ITCH: variants seen among roughly 807,000 people sequenced by gnomAD.
ITCH encodes itchy E3 ubiquitin protein ligase, also known as E3 ubiquitin-protein ligase Itchy homolog.
Under a neutral mutation model 126.8 loss-of-function variants are expected in ITCH, and 28 were observed. The ratio of observed to expected loss-of-function variants is 0.22; its 90% confidence interval spans 0.16 to 0.30. The LOEUF is 0.30. Among genes scored for constraint, ITCH ranks in the 10% least tolerant of loss-of-function variants. The pLI, the probability that ITCH is intolerant of heterozygous loss-of-function variation, is 1.00. For missense variants in ITCH, 631 were observed against 1,032.4 expected, an observed-to-expected ratio of 0.61 and a Z score of 5.33; for synonymous variants, 342 against 340.0, an observed-to-expected ratio of 1.01 and a Z score of -0.06.
At chr20:34,507,283 T>G (rs992983691) in intron 24 of ITCH, among the ~76,000 whole-genome samples, 15 of 95,802 alleles carry the variant, frequency 1.6e-4, no homozygotes, top group South Asian at 8.2e-4. Flanking sequence ...TTTTTTTTTT[T>G]TTTTTTGGTT....
chr20:34,479,959 C>CA (rs1251648243), intron 18 of ITCH, among the ~76,000 whole-genome samples, 170 bp downstream of exon 18: 1 of 152,132 alleles, frequency 6.6e-6, no homozygotes, highest in Admixed American at 6.5e-5. Flanking sequence ...AGTACAGTGA[C>CA]ACGATCTTGG....
intron 3 of ITCH, among the ~76,000 whole-genome samples, chr20:34,395,098 C>T (rs910138937): frequency 1.3e-5 from 2 of 151,532 alleles, no homozygotes; most frequent in Non-Finnish European, 2.9e-5. Context: ...CTGTGCGTGG[C>T]GGTGCACACC....
intron 1 of ITCH, among the ~76,000 whole-genome samples, chr20:34,366,083 G>T (rs901376727): frequency 6.6e-6 from 1 of 152,066 alleles, no homozygotes; most frequent in Non-Finnish European, 1.5e-5. Flanking sequence ...TGAAAAGGGC[G>T]GGGAAAGAGA....
chr20:34,372,313 A>C (rs1347146333), intron 2 of ITCH, among the ~76,000 whole-genome samples: 1 of 30,842 alleles, frequency 3.2e-5, no homozygotes, highest in African/African-American at 1.9e-4. Flanking sequence ...ACTTTGTCTC[A>C]AAAAAAAAAA....
At chr20:34,471,541 T>C (rs945719695) in intron 16 of ITCH, 26 bp downstream of exon 16, 2 of 1,430,412 alleles carry the variant, frequency 1.4e-6, no homozygotes, top group Admixed American at 1.7e-5. Flanking sequence ...CTCAATAATT[T>C]CCCCCCTGGC....
chr20:34,506,656 T>G (rs1990636470), intron 24 of ITCH, among the ~76,000 whole-genome samples: 1 of 152,168 alleles, frequency 6.6e-6, no homozygotes. Flanking sequence ...CTCCTGTCCA[T>G]GGAAAAATTG....
At chr20:34,410,603 G>A (rs193220549) in intron 4 of ITCH, among the ~76,000 whole-genome samples, 2 of 152,262 alleles carry the variant, frequency 1.3e-5, no homozygotes, top group East Asian at 1.9e-4. Flanking sequence ...AGCTACTTGG[G>A]AGGATAAGGG....
intron 2 of ITCH, among the ~76,000 whole-genome samples, chr20:34,371,179 A>C (rs1360136665): frequency 1.3e-5 from 2 of 151,794 alleles, no homozygotes; most frequent in Non-Finnish European, 2.9e-5. Flanking sequence ...AAAAAAAAAA[A>C]AAAAAAACTG....
chr20:34,386,133 G>A (rs762228487), intron 2 of ITCH, among the ~76,000 whole-genome samples: 10 of 149,176 alleles, frequency 6.7e-5, no homozygotes, highest in Non-Finnish European at 1.0e-4. Context: ...TTGAGGCAGA[G>A]TCTTGATCTC....
chr20:34,477,643 G>T, intron 16 of ITCH, 129 bp from the exon 17 acceptor site: 1 of 750,296 alleles, frequency 1.3e-6, no homozygotes, highest in South Asian at 1.5e-5. Flanking sequence ...GTTTTGACTA[G>T]ACCATGAACA....
intron 1 of ITCH, among the ~76,000 whole-genome samples, chr20:34,365,029 G>A (rs1359701804): frequency 6.6e-6 from 1 of 151,652 alleles, no homozygotes; most frequent in Non-Finnish European, 1.5e-5. Flanking sequence ...GTGAAACCCC[G>A]TCTCTACAAA....
intron 3 of ITCH, among the ~76,000 whole-genome samples, chr20:34,406,722 GAC>G (rs1428339148): frequency 6.6e-6 from 1 of 151,984 alleles, no homozygotes; most frequent in East Asian, 1.9e-4. Context: ...TTTTAGTAGA[GAC>G]AGGGTTTCAC....
At chr20:34,433,612 G>A (rs1236860297) in intron 7 of ITCH, among the ~76,000 whole-genome samples, 1 of 147,912 alleles carries the variant, frequency 6.8e-6, no homozygotes, top group Admixed American at 6.8e-5. Flanking sequence ...AGCAGTGATT[G>A]TGCCTATGCA....
intron 2 of ITCH, among the ~76,000 whole-genome samples, chr20:34,391,110 C>A (rs1051365314): frequency 6.6e-6 from 1 of 152,112 alleles, no homozygotes; most frequent in African/African-American, 2.4e-5. Flanking sequence ...AAGAATCTGG[C>A]GCTCAGGGGA....
At chr20:34,486,070 A>C (rs911329445) in intron 20 of ITCH, among the ~76,000 whole-genome samples, 1 of 152,012 alleles carries the variant, frequency 6.6e-6, no homozygotes, top group Non-Finnish European at 1.5e-5. Flanking sequence ...GTTGGAGCGT[A>C]GTGGTAGAGT....
chr20:34,489,211 A>C, intron 20 of ITCH, 55 bp from the exon 21 acceptor site: 1 of 1,500,034 alleles, frequency 6.7e-7, no homozygotes, highest in Non-Finnish European at 9.2e-7. Context: ...TTATACTCAG[A>C]ATTTAAAGAT....
intron 23 of ITCH, among the ~76,000 whole-genome samples, chr20:34,493,773 G>A (rs573366458): frequency 6.6e-6 from 1 of 152,278 alleles, no homozygotes; most frequent in South Asian, 2.1e-4. Context: ...CAGCTGTAGA[G>A]GTAACAATAT....
Position 34,509,035 on chromosome 20 carries a change from G to A in ITCH, c.*1241G>A, listed in dbSNP as rs1978478726. The A allele has an allele frequency of 6.6e-6, 1 of 152,580 alleles. No individual in the cohort carries two copies. The highest frequency in any genetic ancestry group is 1.5e-5 in the Non-Finnish European group (1 of 68,036). The allele number at this position is 152,580 out of a possible 1,614,324, so 9.5% of individuals were successfully genotyped here. On this transcript the variant is annotated 3_prime_UTR_variant, in exon 25 of 25. Transcript: ENST00000374864. ...CATTTCTCTGACATATGTTGGAGTA[G>A]TCATTTCCATTCTTTACATTGTCAT...
At chr20:34,488,810 G>A (rs1334780665) in intron 20 of ITCH, among the ~76,000 whole-genome samples, 2 of 152,230 alleles carry the variant, frequency 1.3e-5, no homozygotes, top group Non-Finnish European at 2.9e-5. Flanking sequence ...GGCGGAGGCA[G>A]GAAGATCACT....
Sources: gnomAD v4.1 joint callset for allele counts (sites outside exome capture counted in the v4.1 genomes callset) on GRCh38, gnomAD v4.1.1 for gene constraint, MANE v1.5 for transcripts, NCBI Gene and HGNC (gene_info 2026-07-23, HGNC 2026-07-21) for gene names.